LIPI: variants seen among roughly 807,000 people sequenced by gnomAD.
LIPI encodes the protein lipase member I.
LIPI carries 59 observed loss-of-function variants against 50.6 expected under a neutral mutation model. The ratio of observed to expected loss-of-function variants is 1.16; its 90% CI spans 0.94 to 1.45. The LOEUF is 1.45. LIPI is among the 40% of genes most tolerant of loss of function. The pLI is 0.00. For missense variants in LIPI, 586 were observed against 536.3 expected, an observed-to-expected ratio of 1.09 and a Z score of -0.92; for synonymous variants, 203 against 178.2, an observed-to-expected ratio of 1.14 and a Z score of -1.11.
intron 8 of LIPI, among the ~76,000 whole-genome samples, chr21:14,151,784 T>G (rs1369401837): frequency 1.3e-5 from 2 of 152,102 alleles, no homozygotes; most frequent in Non-Finnish European, 2.9e-5. Context: ...TATATAACCT[T>G]AAAATATGTA....
intron 7 of LIPI, among the ~76,000 whole-genome samples, chr21:14,159,585 A>AAAAAT (rs1359211343): frequency 1.3e-5 from 2 of 151,278 alleles, no homozygotes; most frequent in African/African-American, 2.4e-5. Context: ...TCTCTAAGGC[A>AAAAAT]AAGGTATCTG....
At chr21:14,159,845 T>A (rs1244298529) in intron 7 of LIPI, among the ~76,000 whole-genome samples, 1 of 151,326 alleles carries the variant, frequency 6.6e-6, no homozygotes, top group Non-Finnish European at 1.5e-5. Context: ...TATACCAACA[T>A]TGAATGTGGA....
intron 9 of LIPI, among the ~76,000 whole-genome samples, chr21:14,112,455 C>T (rs2016453348): frequency 6.6e-6 from 1 of 151,942 alleles, no homozygotes. Context: ...AATATTAACC[C>T]CTCCAAGCTA....
intron 1 of LIPI, among the ~76,000 whole-genome samples, chr21:14,198,967 A>G (rs1211086333): frequency 6.6e-6 from 1 of 152,158 alleles, no homozygotes; most frequent in African/African-American, 2.4e-5. Context: ...ACTCAAAATG[A>G]TACAATTACA....
chr21:14,181,962 C>T, intron 3 of LIPI, 103 bp from the exon 4 acceptor site: 1 of 716,762 alleles, frequency 1.4e-6, no homozygotes, highest in South Asian at 1.5e-5. Flanking sequence ...AGCATTTATA[C>T]TTTTAGTTTA....
chr21:14,192,137 A>T (rs1267009892), intron 1 of LIPI, among the ~76,000 whole-genome samples: 2 of 152,182 alleles, frequency 1.3e-5, no homozygotes, highest in Non-Finnish European at 2.9e-5. Context: ...CATCAGCAAC[A>T]TTAATATCAA....
At chr21:14,134,791 C>A (rs540610454) in intron 9 of LIPI, among the ~76,000 whole-genome samples, 1 of 151,852 alleles carries the variant, frequency 6.6e-6, no homozygotes, top group African/African-American at 2.4e-5. Flanking sequence ...AAGGTTAATT[C>A]GAGATAAATT....
Position 14,132,078 on chromosome 21 carries a change from G to A in LIPI, c.1295+12545C>T, listed in dbSNP as rs1479994138. 2.0e-5 allele frequency among the ~76,000 whole-genome samples: 3 copies of A among 152,144 alleles called. No individual in the cohort carries two copies. The South Asian group carries it at 6.2e-4, about 32-fold the overall frequency. ...CCTTTAACATCTTTTACTACATGAA[G>A]TGACCAAACGTATTAATTATTGGTA... On this transcript the variant is annotated intron_variant, in intron 9 of 9. Coordinates refer to ENST00000681601, the MANE Select transcript of LIPI (RefSeq NM_001302998.2).
rs2018332133 is a variant in LIPI at position 14,158,034 on chromosome 21, A to G, written c.1007-5350T>C. 2.6e-5 allele frequency among the ~76,000 whole-genome samples: 4 copies of G among 151,978 alleles called. No individual in the cohort carries two copies. The South Asian group carries it at 8.3e-4, about 31-fold the overall frequency. ...TTAGATGAATTAGGCAACAAGATTT[A>G]GAACTTTGTATCTGTTGAGTTTAGA... On this transcript the variant is annotated intron_variant, in intron 7 of 9. Coordinates refer to ENST00000681601, the MANE Select transcript of LIPI (RefSeq NM_001302998.2).
rs2020346381 is a variant in LIPI, at chr21:14,210,887, A to C, written c.-42T>G. On this transcript the variant is annotated 5_prime_UTR_variant, in exon 1 of 10. Coordinates refer to ENST00000681601, the MANE Select transcript of LIPI (RefSeq NM_001302998.2). ...GCAAAAACAGCACTCAATTCACCAA[A>C]AAGGAAATTCCGTAACTCATTGAGG... The C allele has an allele frequency of 2.5e-6, 3 of 1,194,312 alleles. No homozygotes were observed. Among genetic ancestry groups the C allele is most frequent in the Non-Finnish European group, 3.2e-6 (3 of 947,784 alleles). The allele number at this position is 1,194,312 out of a possible 1,614,324, so 74.0% of individuals were successfully genotyped here.
At chr21:14,134,011 A>G (rs1236739643) in intron 9 of LIPI, among the ~76,000 whole-genome samples, 4 of 152,066 alleles carry the variant, frequency 2.6e-5, no homozygotes, top group African/African-American at 9.7e-5. Context: ...GGATTGCTTG[A>G]GCTCCAGAGT....
intron 4 of LIPI, among the ~76,000 whole-genome samples, chr21:14,171,659 C>G (rs2018912592): frequency 6.6e-6 from 1 of 151,420 alleles, no homozygotes; most frequent in South Asian, 2.1e-4. Context: ...AACTGGCTAG[C>G]CATATGTAGA....
chr21:14,186,083 G>A lies in LIPI; in HGVS notation c.433-14C>T. On this transcript the variant is annotated splice_polypyrimidine_tract_variant and intron_variant, in intron 2 of 9. Coordinates refer to ENST00000681601, the MANE Select transcript of LIPI (RefSeq NM_001302998.2). Reference sequence around the variant, plus strand: ...TGCACCATGCTTCTGCAATTAAAGAGAAAGGCAATATTACAGTATTCATTT... The same window carrying A: ...TGCACCATGCTTCTGCAATTAAAGAAAAAGGCAATATTACAGTATTCATTT... 1 of 1,371,552 alleles carries A rather than the reference G, an allele frequency of 7.3e-7. No homozygotes were observed. The highest frequency in any genetic ancestry group is 1.0e-6 in the Non-Finnish European group (1 of 959,236). The allele number at this position is 1,371,552 out of a possible 1,614,324, so 85.0% of individuals were successfully genotyped here.
At chr21:14,158,136 C>T (rs955105343) in intron 7 of LIPI, among the ~76,000 whole-genome samples, 1 of 151,588 alleles carries the variant, frequency 6.6e-6, no homozygotes, top group Admixed American at 6.6e-5. Flanking sequence ...TTACTTTATA[C>T]CCAAAAAAGC....
intron 4 of LIPI, among the ~76,000 whole-genome samples, chr21:14,171,253 G>C (rs1485827977): frequency 6.8e-6 from 1 of 147,658 alleles, no homozygotes; most frequent in Non-Finnish European, 1.5e-5. Context: ...ATGCTCATGG[G>C]TAGGAAGAAT....
chr21:14,130,686 G>A (rs1378410665), intron 9 of LIPI, among the ~76,000 whole-genome samples: 1 of 152,214 alleles, frequency 6.6e-6, no homozygotes, highest in Non-Finnish European at 1.5e-5. Context: ...AGATGCAGCT[G>A]CAGCTGCCAA....
At chr21:14,135,662 T>G (rs1052749976) in intron 9 of LIPI, among the ~76,000 whole-genome samples, 1 of 152,122 alleles carries the variant, frequency 6.6e-6, no homozygotes, top group Non-Finnish European at 1.5e-5. Context: ...AACTTTAGTG[T>G]CAAGAAACCT....
intron 8 of LIPI, among the ~76,000 whole-genome samples, chr21:14,146,772 ATTT>A (rs3048482): frequency 2.2e-4 from 16 of 73,380 alleles, no homozygotes; most frequent in East Asian, 1.4e-3. Flanking sequence ...CCCAGTCTCT[ATTT>A]TTTTTTTTTT....
chr21:14,188,936 A>C, intron 2 of LIPI, 98 bp downstream of exon 2: 1 of 1,028,148 alleles, frequency 9.7e-7, no homozygotes, highest in African/African-American at 1.6e-5. Context: ...TATATAGTTT[A>C]TTATCACTTT....
Sources: gnomAD v4.1 joint callset for allele counts (sites outside exome capture counted in the v4.1 genomes callset) on GRCh38, gnomAD v4.1.1 for gene constraint, MANE v1.5 for transcripts, NCBI Gene and HGNC (gene_info 2026-07-23, HGNC 2026-07-21) for gene names.